Variants in AKAP13 observed in about 807,000 individuals in gnomAD.
AKAP13 encodes the protein A-kinase anchoring protein 13, also known as A-kinase anchor protein 13.
Under a neutral mutation model 264.5 loss-of-function variants are expected in AKAP13, and 80 were observed. That is an observed-to-expected ratio of 0.30 (90% CI 0.25 to 0.36). The LOEUF (loss-of-function observed/expected upper bound fraction) is 0.36, where lower values mean the gene tolerates loss of function less well. Ranked by LOEUF, AKAP13 falls within the 10% of genes least tolerant of loss-of-function variation. The pLI, the probability that AKAP13 is intolerant of heterozygous loss-of-function variation, is 1.00. For missense variants in AKAP13, 3,712 were observed against 3,435.2 expected (o/e 1.08, Z -2.01); for synonymous variants, 1,380 against 1,250.2 (o/e 1.10, Z -2.19).
At chr15:85,520,105 T>C (rs1453939500) in intron 2 of AKAP13, among the ~76,000 whole-genome samples, 1 of 152,080 alleles carries the variant, frequency 6.6e-6, no homozygotes, top group Non-Finnish European at 1.5e-5. Context: ...ATATAGTTCG[T>C]AATTGGGAGA....
intron 2 of AKAP13, among the ~76,000 whole-genome samples, chr15:85,513,233 T>G (rs550922698): frequency 6.6e-6 from 1 of 152,286 alleles, no homozygotes; most frequent in South Asian, 2.1e-4. Flanking sequence ...GCTCTCAGAG[T>G]GAGGCTGAAG....
chr15:85,538,852 A>T (rs2077489869), intron 4 of AKAP13, among the ~76,000 whole-genome samples: 1 of 136,998 alleles, frequency 7.3e-6, no homozygotes. Context: ...TTTTTTTTTG[A>T]GGGAGTCTTG....
chr15:85,384,033 A>G (rs567951745), intron 1 of AKAP13, among the ~76,000 whole-genome samples: 1 of 152,350 alleles, frequency 6.6e-6, no homozygotes, highest in South Asian at 2.1e-4. Context: ...CACTACCTAG[A>G]TGGAGTAGAT....
chr15:85,458,492 C>T (rs1290582446), intron 1 of AKAP13, among the ~76,000 whole-genome samples: 1 of 147,678 alleles, frequency 6.8e-6, no homozygotes, highest in Non-Finnish European at 1.5e-5. Flanking sequence ...TATTAAGTTC[C>T]TCTCATAGCT....
chr15:85,524,380 T>A (rs1263394228), intron 3 of AKAP13, among the ~76,000 whole-genome samples: 2 of 152,084 alleles, frequency 1.3e-5, no homozygotes, highest in African/African-American at 2.4e-5. Context: ...TTCACCATGT[T>A]GGCCAGGCTG....
intron 1 of AKAP13, among the ~76,000 whole-genome samples, chr15:85,416,985 C>T (rs1277184405): frequency 1.3e-5 from 2 of 152,168 alleles, no homozygotes; most frequent in Non-Finnish European, 2.9e-5. Flanking sequence ...ATGTGTTATG[C>T]TTCAAAATGA....
chr15:85,639,606 GA>G (rs1174592731), intron 9 of AKAP13, among the ~76,000 whole-genome samples, 157 bp downstream of exon 9: 5 of 130,848 alleles, frequency 3.8e-5, no homozygotes, highest in African/African-American at 1.5e-4. Flanking sequence ...TACAGTTGAA[GA>G]TGAACACATG....
chr15:85,620,223 C>T lies in AKAP13; in HGVS notation c.4162-19151C>T, dbSNP rs140784981. ...TCTGAAGCTCTGCAGGCTGTTTTAGCGCTTTGAACCCGGTAGCCATGTCCC... is the reference window on the plus strand; with the variant it reads ...TCTGAAGCTCTGCAGGCTGTTTTAGTGCTTTGAACCCGGTAGCCATGTCCC... On this transcript the variant is annotated intron_variant, in intron 8 of 36. Coordinates refer to ENST00000394518, the MANE Select transcript of AKAP13 (RefSeq NM_007200.5). 6.4e-4 allele frequency: 969 copies of T among 1,511,106 alleles called. 2 individuals are homozygous for T. The African/African-American group carries it at 0.011, about 18-fold the overall frequency. The allele number at this position is 1,511,106 out of a possible 1,614,324, so 93.6% of individuals were successfully genotyped here.
intron 8 of AKAP13, among the ~76,000 whole-genome samples, chr15:85,625,687 C>A (rs1206017433): frequency 1.3e-5 from 2 of 152,230 alleles, no homozygotes; most frequent in East Asian, 3.9e-4. Context: ...CCTAGCAAGA[C>A]CCCCATCGCT....
At chr15:85,432,945 T>C (rs1005770952) in intron 1 of AKAP13, among the ~76,000 whole-genome samples, 1 of 150,246 alleles carries the variant, frequency 6.7e-6, no homozygotes, top group Admixed American at 6.6e-5. Flanking sequence ...TTGGAAAATA[T>C]AGAAAGAAAA....
chr15:85,444,013 C>T (rs2073811152), intron 1 of AKAP13, among the ~76,000 whole-genome samples: 1 of 152,062 alleles, frequency 6.6e-6, no homozygotes, highest in Non-Finnish European at 1.5e-5. Context: ...GGGCCTTTCC[C>T]CTGATTGACA....
chr15:85,721,225 A>G (rs914508457), intron 23 of AKAP13, among the ~76,000 whole-genome samples: 4 of 152,166 alleles, frequency 2.6e-5, no homozygotes, highest in African/African-American at 9.7e-5. Flanking sequence ...CAGTGGTAGG[A>G]TCAACCTTTG....
intron 5 of AKAP13, among the ~76,000 whole-genome samples, chr15:85,554,657 C>A (rs1042385150): frequency 6.6e-6 from 1 of 152,020 alleles, no homozygotes; most frequent in African/African-American, 2.4e-5. Flanking sequence ...TACCAGCCCT[C>A]TAGCATACCA....
chr15:85,439,468 G>A (rs60612195), intron 1 of AKAP13, among the ~76,000 whole-genome samples: 39,780 of 150,476 alleles, frequency 0.26, 7,075 homozygotes, highest in African/African-American at 0.5. Context: ...TCCCATTACT[G>A]GGTATATACC....
intron 1 of AKAP13, among the ~76,000 whole-genome samples, chr15:85,468,087 A>G (rs2074817539): frequency 6.6e-6 from 1 of 152,252 alleles, no homozygotes; most frequent in African/African-American, 2.4e-5. Flanking sequence ...GGGTGAATGA[A>G]TATTATAAGA....
At chr15:85,507,955 GAT>G (rs1763631197) in intron 2 of AKAP13, among the ~76,000 whole-genome samples, 1 of 152,190 alleles carries the variant, frequency 6.6e-6, no homozygotes. Flanking sequence ...TCCTGGCAAG[GAT>G]ATATTCCTAA....
chr15:85,607,842 C>T (rs1207927332), intron 8 of AKAP13, among the ~76,000 whole-genome samples: 1 of 152,192 alleles, frequency 6.6e-6, no homozygotes, highest in East Asian at 1.9e-4. Flanking sequence ...ATACAAGCTC[C>T]AGATAATAGT....
At chr15:85,442,917 A>C (rs1392850259) in intron 1 of AKAP13, among the ~76,000 whole-genome samples, 2 of 152,186 alleles carry the variant, frequency 1.3e-5, no homozygotes, top group African/African-American at 2.4e-5. Context: ...AGCTCTGTGA[A>C]GCATTAAAAT....
intron 2 of AKAP13, among the ~76,000 whole-genome samples, chr15:85,493,863 A>T (rs1338425569): frequency 1.3e-5 from 2 of 152,068 alleles, no homozygotes; most frequent in Non-Finnish European, 2.9e-5. Context: ...GGTTGGTATT[A>T]AAAAATGTAT....
Sources: gnomAD v4.1 joint callset for allele counts (sites outside exome capture counted in the v4.1 genomes callset) on GRCh38, gnomAD v4.1.1 for gene constraint, MANE v1.5 for transcripts, NCBI Gene and HGNC (gene_info 2026-07-23, HGNC 2026-07-21) for gene names.